Variants in ADGRB3 observed in about 807,000 individuals in gnomAD.
ADGRB3 encodes brain-specific angiogenesis inhibitor 3.
ADGRB3 carries 37 observed loss-of-function variants against 193.4 expected under a neutral mutation model. That is an observed-to-expected ratio of 0.19 (90% CI 0.15 to 0.25). The LOEUF (loss-of-function observed/expected upper bound fraction) is 0.25, where lower values mean the gene tolerates loss of function less well. Among genes scored for constraint, ADGRB3 ranks in the 10% least tolerant of loss-of-function variants. The probability of loss-of-function intolerance (pLI) is 1.00; values close to 1 mark genes in which losing one functional copy is unlikely to be tolerated. For missense variants in ADGRB3, 1,637 were observed against 1,852.9 expected, an observed-to-expected ratio of 0.88 and a Z score of 2.14; for synonymous variants, 690 against 644.2, an observed-to-expected ratio of 1.07 and a Z score of -1.08.
At chr6:68,816,890 C>T (rs1463505134) in intron 3 of ADGRB3, among the ~76,000 whole-genome samples, 1 of 152,072 alleles carries the variant, frequency 6.6e-6, no homozygotes, top group Non-Finnish European at 1.5e-5. Flanking sequence ...TGGGAATCCA[C>T]TAATCTAATA....
chr6:68,794,910 C>T (rs888267295), intron 3 of ADGRB3, among the ~76,000 whole-genome samples: 5 of 152,156 alleles, frequency 3.3e-5, no homozygotes, highest in Middle Eastern at 3.4e-3. Context: ...CTATTTCCTC[C>T]TGCAATCTGC....
chr6:69,000,513 T>C (rs1769543405), intron 11 of ADGRB3, among the ~76,000 whole-genome samples: 1 of 152,214 alleles, frequency 6.6e-6, no homozygotes, highest in Non-Finnish European at 1.5e-5. Flanking sequence ...AGGTATAGGA[T>C]AACTTTGTTG....
intron 20 of ADGRB3, among the ~76,000 whole-genome samples, chr6:69,261,953 T>C (rs1164638537): frequency 6.6e-6 from 1 of 152,100 alleles, no homozygotes; most frequent in African/African-American, 2.4e-5. Context: ...GGTCTGTCTT[T>C]ATTAACAGGT....
rs561859325 is a variant in ADGRB3 at position 68,718,822 on chromosome 6, G to C, written c.757+79390G>C. On this transcript the variant is annotated intron_variant, in intron 3 of 31. Coordinates refer to ENST00000370598, the MANE Select transcript of ADGRB3 (RefSeq NM_001704.3). ...AAATTATGGTCTGCAGGCAAAACCT[G>C]GCCCACTGCCTGTTTTGTAAATAGT... Among the ~76,000 whole-genome samples, 14 of 151,868 alleles carry C rather than the reference G, an allele frequency of 9.2e-5. No homozygotes were observed. In the South Asian group the frequency reaches 2.9e-3, roughly 31 times the overall value.
At chr6:68,974,491 G>C (rs1425098629) in intron 8 of ADGRB3, among the ~76,000 whole-genome samples, 1 of 152,114 alleles carries the variant, frequency 6.6e-6, no homozygotes, top group African/African-American at 2.4e-5. Context: ...AAATCGGCCA[G>C]ATGTGGCAAC....
In ADGRB3 at chr6:68,772,423, T is replaced by G. The variant is rs1766635907; in HGVS notation, c.757+132991T>G. Among the ~76,000 whole-genome samples, 3 of 152,064 alleles carry G rather than the reference T, an allele frequency of 2.0e-5. No individual in the cohort carries two copies. The South Asian group carries it at 6.2e-4, about 32-fold the overall frequency. ...GACTCTGCTTGAGATGTTGTATGAG[T>G]CTCCTGAAACTGCGGATTGGGTTTT... is the stretch of plus-strand genomic sequence containing the variant. On this transcript the variant is annotated intron_variant, in intron 3 of 31. Coordinates refer to ENST00000370598, the MANE Select transcript of ADGRB3 (RefSeq NM_001704.3).
chr6:68,904,555 G>T lies in ADGRB3; in HGVS notation c.758-26004G>T, dbSNP rs570582733. 4.6e-5 allele frequency among the ~76,000 whole-genome samples: 7 copies of T among 152,204 alleles called. No homozygotes were observed. The South Asian group carries it at 1.2e-3, about 27-fold the overall frequency. On this transcript the variant is annotated intron_variant, in intron 3 of 31. Coordinates refer to ENST00000370598, the MANE Select transcript of ADGRB3 (RefSeq NM_001704.3). ...AACATTACATATGTTTTTAGTGAAGGTCTAAATAAATGGAATCATTGCTGA... is the reference window on the plus strand; with the variant it reads ...AACATTACATATGTTTTTAGTGAAGTTCTAAATAAATGGAATCATTGCTGA...
At chr6:68,939,661 G>A (rs975283399) in intron 5 of ADGRB3, among the ~76,000 whole-genome samples, 2 of 152,028 alleles carry the variant, frequency 1.3e-5, no homozygotes, top group African/African-American at 4.8e-5. Flanking sequence ...GAAATATTTT[G>A]TGCTCAAATA....
chr6:69,286,219 T>C (rs1767549177), intron 20 of ADGRB3, among the ~76,000 whole-genome samples: 1 of 152,152 alleles, frequency 6.6e-6, no homozygotes, highest in African/African-American at 2.4e-5. Context: ...TTCAGAAGTA[T>C]ATCCCTAATT....
intron 29 of ADGRB3, among the ~76,000 whole-genome samples, chr6:69,363,903 G>A (rs898037939): frequency 2.0e-5 from 3 of 152,010 alleles, no homozygotes; most frequent in Non-Finnish European, 1.5e-5. Context: ...TAAAGGAAAA[G>A]CAGAAAAATG....
chr6:69,361,565 T>C, intron 29 of ADGRB3, 53 bp downstream of exon 29: 4 of 1,519,616 alleles, frequency 2.6e-6, no homozygotes, highest in African/African-American at 2.8e-5. Flanking sequence ...TGAATAGATA[T>C]AAATAGAGAT....
intron 17 of ADGRB3, among the ~76,000 whole-genome samples, chr6:69,189,815 A>G (rs571543136): frequency 6.6e-6 from 1 of 152,328 alleles, no homozygotes; most frequent in African/African-American, 2.4e-5. Flanking sequence ...GGTCCTTTGC[A>G]GAATGTAACC....
At chr6:69,306,234 G>A (rs1561982787) in intron 20 of ADGRB3, among the ~76,000 whole-genome samples, 3 of 151,388 alleles carry the variant, frequency 2.0e-5, no homozygotes, top group East Asian at 3.9e-4. Flanking sequence ...AACAAATAAC[G>A]CATCACCATC....
intron 3 of ADGRB3, among the ~76,000 whole-genome samples, chr6:68,658,573 T>C (rs965436114): frequency 6.6e-6 from 1 of 151,218 alleles, no homozygotes; most frequent in Non-Finnish European, 1.5e-5. Context: ...TGATAAAAAA[T>C]GGAGTATTGA....
At chr6:69,143,312 A>G (rs1774392141) in intron 17 of ADGRB3, among the ~76,000 whole-genome samples, 1 of 152,050 alleles carries the variant, frequency 6.6e-6, no homozygotes, top group Non-Finnish European at 1.5e-5. Flanking sequence ...TAGTTTGAAA[A>G]TATTTTCTCT....
In ADGRB3 at chr6:68,956,703, C is replaced by T. The variant is rs199826937; in HGVS notation, c.1419C>T (p.Gly473=). The part of the protein sequence containing the change: ...HWSGCSKSCD[G]GWERRIRTCQ... ...GTGGTTGTTCCAAGTCCTGTGATGG[C>T]GGCTGGGAAAGGCGAATAAGGACCT... Residue 473 remains glycine (G), a synonymous_variant, in exon 8 of 32, where the codon GGC becomes GGT. Coordinates refer to ENST00000370598, the MANE Select transcript of ADGRB3 (RefSeq NM_001704.3). The T allele has an allele frequency of 4.6e-5, 75 of 1,613,766 alleles. 1 individual carries two copies. Among genetic ancestry groups the T allele is most frequent in the East Asian group, 1.1e-4 (5 of 44,840 alleles).
At chr6:69,098,655 G>A (rs1243790286) in intron 17 of ADGRB3, among the ~76,000 whole-genome samples, 1 of 152,110 alleles carries the variant, frequency 6.6e-6, no homozygotes, top group African/African-American at 2.4e-5. Flanking sequence ...TGATCCAAAT[G>A]CCTCCTACCA....
intron 17 of ADGRB3, among the ~76,000 whole-genome samples, chr6:69,186,808 A>G (rs960070072): frequency 6.6e-6 from 1 of 151,834 alleles, no homozygotes; most frequent in African/African-American, 2.4e-5. Context: ...TTGTGTGTAT[A>G]TGTGTGTGTG....
At chr6:69,177,996 GT>G (rs1775474466) in intron 17 of ADGRB3, among the ~76,000 whole-genome samples, 1 of 152,086 alleles carries the variant, frequency 6.6e-6, no homozygotes, top group Admixed American at 6.5e-5. Flanking sequence ...TTCTTTGTTA[GT>G]TTTCCTTCTC....
Sources: allele counts gnomAD v4.1 joint callset (sites outside exome capture counted in the v4.1 genomes callset), GRCh38; gene constraint gnomAD v4.1.1; transcripts MANE v1.5; gene names NCBI Gene and HGNC (gene_info 2026-07-23, HGNC 2026-07-21).